MEI4: variants seen among roughly 807,000 people sequenced by gnomAD.
MEI4 encodes meiosis-specific protein MEI4.
MEI4 carries 27 observed loss-of-function variants against 31.4 expected under a neutral mutation model. The observed-to-expected ratio is 0.86, with a 90% confidence interval of 0.63 to 1.19. The LOEUF is 1.19. Ranked by LOEUF, MEI4 falls within the 50% of genes most tolerant of loss-of-function variation. MEI4 has a pLI of 0.00. For missense variants in MEI4, 329 were observed against 398.9 expected, an observed-to-expected ratio of 0.82 and a Z score of 1.49; for synonymous variants, 122 against 145.4, an observed-to-expected ratio of 0.84 and a Z score of 1.16.
At chr6:77,778,138 G>A (rs1582132146) in intron 3 of MEI4, among the ~76,000 whole-genome samples, 1 of 150,870 alleles carries the variant, frequency 6.6e-6, no homozygotes, top group Admixed American at 6.6e-5. Flanking sequence ...GAGAGTGCGG[G>A]GCGGGGGGTG....
chr6:77,738,545 A>G (rs564423479), intron 2 of MEI4, among the ~76,000 whole-genome samples: 10 of 152,308 alleles, frequency 6.6e-5, no homozygotes, highest in African/African-American at 1.7e-4. Flanking sequence ...TAGTGCTGCA[A>G]TAAACATACA....
chr6:77,829,181 C>A, intron 4 of MEI4, 119 bp downstream of exon 4: 1 of 721,432 alleles, frequency 1.4e-6, no homozygotes, highest in Non-Finnish European at 1.9e-6. Flanking sequence ...TACCTTATGT[C>A]TAATATATGT....
chr6:77,767,800 A>T (rs1325749494), intron 3 of MEI4, among the ~76,000 whole-genome samples: 1 of 152,126 alleles, frequency 6.6e-6, no homozygotes, highest in Non-Finnish European at 1.5e-5. Flanking sequence ...CATAAACCAA[A>T]ATCTTAATAC....
chr6:77,690,403 C>T (rs1318506023), intron 1 of MEI4, among the ~76,000 whole-genome samples: 1 of 151,854 alleles, frequency 6.6e-6, no homozygotes. Context: ...GTGTTTTTTC[C>T]ATCCCAAGAA....
chr6:77,910,829 A>G (rs575039033), intron 4 of MEI4, among the ~76,000 whole-genome samples: 2 of 152,006 alleles, frequency 1.3e-5, no homozygotes, highest in Non-Finnish European at 2.9e-5. Flanking sequence ...TGTTTTTTTG[A>G]GAAATCACCA....
intron 2 of MEI4, among the ~76,000 whole-genome samples, chr6:77,699,356 A>T (rs1453015668): frequency 1.3e-5 from 2 of 149,614 alleles, no homozygotes; most frequent in African/African-American, 4.9e-5. Context: ...CGCCCGGCTA[A>T]TTTTTTTTTG....
chr6:77,898,449 C>T (rs867706125), intron 4 of MEI4, among the ~76,000 whole-genome samples: 3 of 151,792 alleles, frequency 2.0e-5, no homozygotes, highest in African/African-American at 7.3e-5. Flanking sequence ...GGAAACTGAC[C>T]AAATGGTATA....
intron 1 of MEI4, among the ~76,000 whole-genome samples, chr6:77,655,766 CAG>C: frequency 6.6e-6 from 1 of 152,132 alleles, no homozygotes; most frequent in East Asian, 1.9e-4. Context: ...ATTTAAATGA[CAG>C]ACGTCAGTAG....
intron 1 of MEI4, among the ~76,000 whole-genome samples, chr6:77,682,391 G>A (rs1239640420): frequency 6.6e-6 from 1 of 152,168 alleles, no homozygotes; most frequent in African/African-American, 2.4e-5. Context: ...CTTTCCTACT[G>A]TATTTTCTTT....
intron 2 of MEI4, among the ~76,000 whole-genome samples, chr6:77,743,986 G>A (rs1767501701): frequency 6.6e-6 from 1 of 152,134 alleles, no homozygotes; most frequent in Non-Finnish European, 1.5e-5. Flanking sequence ...CATCATTAAA[G>A]ACCAAAAGTA....
At chr6:77,816,754 T>C (rs1399417696) in intron 3 of MEI4, among the ~76,000 whole-genome samples, 1 of 152,226 alleles carries the variant, frequency 6.6e-6, no homozygotes, top group Non-Finnish European at 1.5e-5. Flanking sequence ...TTGAACATAC[T>C]GAATGCCTGA....
chr6:77,762,577 C>T (rs1001363319), intron 3 of MEI4, among the ~76,000 whole-genome samples: 1 of 152,134 alleles, frequency 6.6e-6, no homozygotes, highest in African/African-American at 2.4e-5. Context: ...TCTTTGGATA[C>T]ATCATTGTTA....
chr6:77,863,355 C>G (rs1375601366), intron 4 of MEI4, among the ~76,000 whole-genome samples: 1 of 148,250 alleles, frequency 6.7e-6, no homozygotes, highest in East Asian at 2.1e-4. Context: ...AGACGAATGG[C>G]TAACTAGAAT....
intron 3 of MEI4, among the ~76,000 whole-genome samples, chr6:77,779,137 G>A (rs1768530669): frequency 2.6e-5 from 4 of 152,268 alleles, no homozygotes; most frequent in Middle Eastern, 6.8e-3. Context: ...GCCCAGAGGA[G>A]TGCCAACATT....
At chr6:77,696,341 C>T (rs1358110186) in intron 2 of MEI4, among the ~76,000 whole-genome samples, 2 of 152,132 alleles carry the variant, frequency 1.3e-5, no homozygotes, top group African/African-American at 4.8e-5. Flanking sequence ...CTGTCTTGTG[C>T]CAGTTTTCAA....
Position 77,827,083 on chromosome 6 carries a change from G to A in MEI4, c.769-1848G>A, listed in dbSNP as rs551580610. 2.9e-3 allele frequency among the ~76,000 whole-genome samples: 448 copies of A among 152,152 alleles called. 2 individuals are homozygous for A. Among genetic ancestry groups the A allele is most frequent in the African/African-American group, 0.01 (427 of 41,522 alleles). ...GTGATTAAAAGAACCTACATAGGCC[G>A]GGCGCGGTGGCTCACACCTGTAATC... On this transcript the variant is annotated intron_variant, in intron 3 of 4. Transcript: ENST00000684080.
At position 77,765,966 on chromosome 6, in the gene MEI4, T is replaced by C. The variant is rs142372303; in HGVS notation, c.768+4301T>C. Among the ~76,000 whole-genome samples the C allele has an allele frequency of 7.6e-4, 115 of 152,240 alleles. 1 individual carries two copies. The East Asian group carries it at 0.014, about 18-fold the overall frequency. Reference sequence around the variant, plus strand: ...AACACCACATGTTCTCACTCATAGATGGGAATTGAACAATAAGAACACATG... The same window carrying C: ...AACACCACATGTTCTCACTCATAGACGGGAATTGAACAATAAGAACACATG... On this transcript the variant is annotated intron_variant, in intron 3 of 4. Coordinates refer to ENST00000684080, the MANE Select transcript of MEI4 (RefSeq NM_001322247.2).
At chr6:77,784,658 C>G (rs776403332) in intron 3 of MEI4, among the ~76,000 whole-genome samples, 3 of 152,082 alleles carry the variant, frequency 2.0e-5, no homozygotes, top group Admixed American at 6.6e-5. Flanking sequence ...TATTACAAAG[C>G]ACTTTTAAAA....
intron 4 of MEI4, among the ~76,000 whole-genome samples, chr6:77,896,593 A>C (rs1224330648): frequency 6.6e-6 from 1 of 152,024 alleles, no homozygotes; most frequent in African/African-American, 2.4e-5. Context: ...ACCTTTTTTC[A>C]GTTGTTCATG....
Sources: gnomAD v4.1 joint callset for allele counts (sites outside exome capture counted in the v4.1 genomes callset) on GRCh38, gnomAD v4.1.1 for gene constraint, MANE v1.5 for transcripts, NCBI Gene and HGNC (gene_info 2026-07-23, HGNC 2026-07-21) for gene names.